The following BCAS3 variants were observed in gnomAD, a reference collection of about 807,000 sequenced individuals.
BCAS3 encodes BCAS4/BCAS3 fusion.
A neutral mutation model predicts 116.1 loss-of-function variants in BCAS3; 53 were observed. The observed-to-expected ratio is 0.46, with a 90% CI of 0.37 to 0.57. BCAS3 has a LOEUF of 0.57. Among genes scored for constraint, BCAS3 ranks in the 20% least tolerant of loss-of-function variants. The pLI is 0.00. For missense variants in BCAS3, 917 were observed against 1,165.4 expected, an observed-to-expected ratio of 0.79 and a Z score of 3.10; for synonymous variants, 391 against 408.2, an observed-to-expected ratio of 0.96 and a Z score of 0.51.
chr17:61,259,712 C>T lies in BCAS3; in HGVS notation c.2426-108615C>T, dbSNP rs58229653. Among the ~76,000 whole-genome samples, 1,763 of 152,182 alleles carry T rather than the reference C, an allele frequency of 0.012. 28 individuals carry two copies. The highest frequency in any genetic ancestry group is 0.039 in the African/African-American group (1,629 of 41,520). ...GGGCACCAGCCTTAGAGTGGGCAGT[C>T]GTTCATTACTGGCCTAGGACAATCA... is the stretch of plus-strand genomic sequence containing the variant. On this transcript the variant is annotated intron_variant, in intron 22 of 23. Transcript: ENST00000407086. The surrounding 1 kb of genome is among the most constrained non-coding windows in gnomAD (Gnocchi z 4.7).
At chr17:60,978,530 T>G (rs1335567362) in intron 14 of BCAS3, among the ~76,000 whole-genome samples, 3 of 150,082 alleles carry the variant, frequency 2.0e-5, no homozygotes, top group East Asian at 2.0e-4. Context: ...GTCAATTTTG[T>G]CTTTTGTTGC....
At position 60,964,474 on chromosome 17, in the gene BCAS3, C is replaced by T. The variant is rs774083500; in HGVS notation, c.1221+17122C>T. Among the ~76,000 whole-genome samples, 4 of 152,074 alleles carry T rather than the reference C, an allele frequency of 2.6e-5. No homozygotes were observed. The highest frequency in any genetic ancestry group is 5.9e-5 in the Non-Finnish European group (4 of 67,988). ...AGGATTTTCACATATATGTTCATCA[C>T]GGATATTGGCCTGTAGTTTTCTTTT... On this transcript the variant is annotated intron_variant, in intron 14 of 23. Transcript: ENST00000407086. This position sits in a 1 kb window ranked among gnomAD's most constrained non-coding sequence, Gnocchi z 4.6.
intron 22 of BCAS3, among the ~76,000 whole-genome samples, chr17:61,296,977 A>G (rs1708694210): frequency 6.6e-6 from 1 of 152,172 alleles, no homozygotes; most frequent in African/African-American, 2.4e-5. Context: ...AGGTAATATG[A>G]TCAACACGTG....
chr17:60,754,186 C>T (rs377191776), intron 6 of BCAS3, among the ~76,000 whole-genome samples: 17 of 151,920 alleles, frequency 1.1e-4, no homozygotes, highest in Admixed American at 5.9e-4. Flanking sequence ...CAGTGTGAGC[C>T]GCCATACCTG....
Position 61,098,269 on chromosome 17 carries a change from G to A in BCAS3, c.2425+13705G>A. 6.6e-6 allele frequency among the ~76,000 whole-genome samples: 1 copy of A among 152,208 alleles called. No individual in the cohort carries two copies. The highest frequency in any genetic ancestry group is 1.9e-4 in the East Asian group (1 of 5,196). On this transcript the variant is annotated intron_variant, in intron 22 of 23. Transcript: ENST00000407086. The surrounding 1 kb of genome is among the most constrained non-coding windows in gnomAD (Gnocchi z 4.2). ...TTCATATATTCAGAACATTGGGACT[G>A]AGTTGTGCATGGAGAGGAGAAAAAT... is the stretch of plus-strand genomic sequence containing the variant.
At chr17:60,973,478 C>G (rs2062089529) in intron 14 of BCAS3, among the ~76,000 whole-genome samples, 3 of 151,906 alleles carry the variant, frequency 2.0e-5, no homozygotes, top group Admixed American at 2.0e-4. Context: ...TCACCACAAT[C>G]AAGATATAGA....
chr17:61,311,189 A>G (rs2054277877), intron 22 of BCAS3, among the ~76,000 whole-genome samples: 1 of 152,232 alleles, frequency 6.6e-6, no homozygotes, highest in Non-Finnish European at 1.5e-5. Context: ...TCTTATGTGA[A>G]TGTGCCTAAA....
Position 61,226,329 on chromosome 17 carries a change from T to A in BCAS3, c.2425+141765T>A, listed in dbSNP as rs910514665. 3.9e-5 allele frequency among the ~76,000 whole-genome samples: 6 copies of A among 152,250 alleles called. No homozygotes were observed. Among genetic ancestry groups the A allele is most frequent in the African/African-American group, 1.4e-4 (6 of 41,470 alleles). On this transcript the variant is annotated intron_variant, in intron 22 of 23. Coordinates refer to ENST00000407086, the MANE Select transcript of BCAS3 (RefSeq NM_017679.5). This position sits in a 1 kb window ranked among gnomAD's most constrained non-coding sequence, Gnocchi z 6.0. Reference sequence around the variant, plus strand: ...CTAATTTTCAGGTAAGCCCAGCTGGTCTAAAAAGATTGGCAATATTTGAAA... The same window carrying A: ...CTAATTTTCAGGTAAGCCCAGCTGGACTAAAAAGATTGGCAATATTTGAAA...
At position 60,924,517 on chromosome 17, in the gene BCAS3, TC is replaced by T. The variant is rs779827178; in HGVS notation, c.1087+18del. The stretch of plus-strand genomic sequence containing the variant: ...ATACAAGTGGTAAGTTCGCTCTCTG[TC>T]TTTTTTTTTTTTTTTTTTGTAGACC... On this transcript the variant is annotated intron_variant, in intron 13 of 23. Transcript: ENST00000407086. The T allele has an allele frequency of 5.8e-5, 87 of 1,490,590 alleles. No individual in the cohort carries two copies. Among genetic ancestry groups the T allele is most frequent in the South Asian group, 1.3e-4 (10 of 77,774 alleles). The allele number at this position is 1,490,590 out of a possible 1,614,324, so 92.3% of individuals were successfully genotyped here. A position where few individuals can be genotyped will look rare whatever the true frequency, so the allele number is the denominator to read the frequency against.
At chr17:60,805,148 T>C (rs983532281) in intron 6 of BCAS3, among the ~76,000 whole-genome samples, 3 of 151,934 alleles carry the variant, frequency 2.0e-5, no homozygotes, top group Non-Finnish European at 4.4e-5. Context: ...ATATATGTAG[T>C]TAAAAATTTT....
At chr17:61,080,585 C>CA (rs1212758654) in intron 21 of BCAS3, among the ~76,000 whole-genome samples, 2 of 151,672 alleles carry the variant, frequency 1.3e-5, no homozygotes, top group Non-Finnish European at 2.9e-5. Context: ...AAAACCCTAC[C>CA]AAAAAAATAC....
intron 22 of BCAS3, among the ~76,000 whole-genome samples, chr17:61,143,777 C>G (rs1333518239): frequency 6.6e-6 from 1 of 152,102 alleles, no homozygotes; most frequent in Non-Finnish European, 1.5e-5. Flanking sequence ...CCACTGCACT[C>G]TAGCCTGGGC....
At position 61,314,702 on chromosome 17, in the gene BCAS3, C is replaced by T. The variant is rs867567557; in HGVS notation, c.2426-53625C>T. 3.3e-5 allele frequency among the ~76,000 whole-genome samples: 5 copies of T among 152,304 alleles called. No homozygotes were observed. The Middle Eastern group carries it at 0.014, about 414-fold the overall frequency. ...GTTCCAAAAAGCTGGGCTTTATCTG[C>T]AGCAGAGACTTTAGTAAATCAAAAC... is the stretch of plus-strand genomic sequence containing the variant. On this transcript the variant is annotated intron_variant, in intron 22 of 23. Transcript: ENST00000407086.
Position 61,038,032 on chromosome 17 carries a change from C to T in BCAS3, c.1906C>T (p.Arg636Ter), listed in dbSNP as rs769939544. The change falls in exon 18 of 24, where the codon CGA becomes TGA. Residue 636 changes from arginine to a stop codon, truncating the protein, a stop_gained. Transcript: ENST00000407086. LOFTEE classifies it high-confidence loss of function. ...ACCACTGGAAATGATGACATCGCCT[C>T]GAGCCAGCTGGACTCTGGTTAGGTA... ...DTPLEMMTSP[R>*]ASWTLVRTPQ... 2.5e-6 allele frequency: 4 copies of T among 1,614,046 alleles called. No individual in the cohort carries two copies. Among genetic ancestry groups the T allele is most frequent in the Non-Finnish European group, 2.5e-6 (3 of 1,179,980 alleles).
chr17:61,027,964 C>A (rs1020123592), intron 16 of BCAS3, among the ~76,000 whole-genome samples: 7 of 151,764 alleles, frequency 4.6e-5, no homozygotes, highest in Non-Finnish European at 8.9e-5. Flanking sequence ...GATATGTTAA[C>A]CAGTGCGAAG....
intron 4 of BCAS3, among the ~76,000 whole-genome samples, chr17:60,700,420 C>A (rs2036240310): frequency 6.6e-6 from 1 of 152,062 alleles, no homozygotes; most frequent in Admixed American, 6.6e-5. Flanking sequence ...AATAAGGGAC[C>A]CTGGAGGAAA....
chr17:61,355,386 C>A lies in BCAS3; in HGVS notation c.2426-12941C>A, dbSNP rs1372293086. On this transcript the variant is annotated intron_variant, in intron 22 of 23. Transcript: ENST00000407086. The surrounding 1 kb of genome is among the most constrained non-coding windows in gnomAD (Gnocchi z 4.2). ...GGATTTAGCTGGGTTGCTCCCTCCACCCCCTACCACCCAACTGCAAGAACA... is the reference window on the plus strand; with the variant it reads ...GGATTTAGCTGGGTTGCTCCCTCCAACCCCTACCACCCAACTGCAAGAACA... 6.6e-6 allele frequency among the ~76,000 whole-genome samples: 1 copy of A among 152,072 alleles called. No homozygotes were observed. The highest frequency in any genetic ancestry group is 1.5e-5 in the Non-Finnish European group (1 of 68,016).
At chr17:61,111,072 G>A (rs373741622) in intron 22 of BCAS3, among the ~76,000 whole-genome samples, 7 of 150,560 alleles carry the variant, frequency 4.6e-5, no homozygotes, top group South Asian at 2.1e-4. Context: ...CATCCACACC[G>A]AAAACCCATC....
At chr17:60,693,765 G>A (rs1469177672) in intron 4 of BCAS3, among the ~76,000 whole-genome samples, 6 of 150,914 alleles carry the variant, frequency 4.0e-5, no homozygotes, top group Non-Finnish European at 2.9e-5. Flanking sequence ...TGGATTTCAT[G>A]TTCAACAGGC....
Sources: gnomAD v4.1 joint callset for allele counts (sites outside exome capture counted in the v4.1 genomes callset) on GRCh38, gnomAD v4.1.1 for gene constraint, Gnocchi (gnomAD v3.1) non-coding constraint, MANE v1.5 for transcripts, NCBI Gene and HGNC (gene_info 2026-07-23, HGNC 2026-07-21) for gene names.